Variants in ARHGEF3 observed in about 807,000 individuals in gnomAD.
ARHGEF3 encodes Rho guanine nucleotide exchange factor 3.
In ARHGEF3, 28 loss-of-function variants were observed where a neutral mutation model predicts 63.2. The ratio of observed to expected loss-of-function variants is 0.44; its 90% CI spans 0.33 to 0.61. The LOEUF (loss-of-function observed/expected upper bound fraction) is 0.61. Ranked by LOEUF, ARHGEF3 falls within the 20% of genes least tolerant of loss-of-function variation. The pLI is 0.03. For synonymous variants in ARHGEF3, 266 were observed against 254.2 expected (o/e 1.05, Z -0.44); for missense variants, 533 against 659.3 (o/e 0.81, Z 2.10).
chr3:57,061,762 G>T (rs1705234720), intron 1 of ARHGEF3, among the ~76,000 whole-genome samples: 2 of 152,124 alleles, frequency 1.3e-5, no homozygotes, highest in African/African-American at 4.8e-5. Flanking sequence ...CTCTCATCCT[G>T]TGTTACTCAC....
intron 1 of ARHGEF3, among the ~76,000 whole-genome samples, chr3:57,042,700 A>ATTTTTTTTTTTTTTTT (rs869145503): frequency 2.9e-4 from 19 of 66,098 alleles, no homozygotes; most frequent in Non-Finnish European, 5.2e-4. Context: ...ATATATATAT[A>ATTTTTTTTTTTTTTTT]TTTTTTTTTT....
chr3:57,066,608 C>T (rs563418465), intron 1 of ARHGEF3, among the ~76,000 whole-genome samples: 1 of 152,164 alleles, frequency 6.6e-6, no homozygotes, highest in Non-Finnish European at 1.5e-5. Context: ...CAGTATTTTA[C>T]CCACTGTGAT....
intron 3 of ARHGEF3, among the ~76,000 whole-genome samples, chr3:56,905,385 T>C (rs1380761011): frequency 2.0e-5 from 3 of 152,226 alleles, no homozygotes; most frequent in Non-Finnish European, 4.4e-5. Flanking sequence ...CTTAACACTA[T>C]ATTTGGGAAA....
intron 4 of ARHGEF3, among the ~76,000 whole-genome samples, chr3:56,854,432 C>T (rs1176539749): frequency 1.3e-5 from 2 of 152,110 alleles, no homozygotes; most frequent in East Asian, 1.9e-4. Flanking sequence ...CTGAAGGAAA[C>T]AGGGAGAAGC....
chr3:56,755,076 A>AG lies in ARHGEF3; in HGVS notation c.279dup (p.Ser94LeufsTer8). 1 of 1,613,884 alleles carries AG rather than the reference A, an allele frequency of 6.2e-7. No homozygotes were observed. The highest frequency in any genetic ancestry group is 8.5e-7 in the Non-Finnish European group (1 of 1,179,978). On this transcript the variant is annotated frameshift_variant, in exon 3 of 10. Coordinates refer to ENST00000296315, the MANE Select transcript of ARHGEF3 (RefSeq NM_019555.3). LOFTEE classifies it high-confidence loss of function. ...TTGCTATCTCTCCGTTTCGTGCTCG[A>AG]GGGGGCGGCATTTCTGGACCAGGGT...
chr3:57,048,795 T>G (rs1201403427), intron 1 of ARHGEF3, among the ~76,000 whole-genome samples: 1 of 152,102 alleles, frequency 6.6e-6, no homozygotes, highest in African/African-American at 2.4e-5. Context: ...ACATTTTAAC[T>G]CCTGCTAATT....
At chr3:56,793,726 G>A (rs2037209281) in intron 1 of ARHGEF3, among the ~76,000 whole-genome samples, 1 of 152,030 alleles carries the variant, frequency 6.6e-6, no homozygotes, top group African/African-American at 2.4e-5. Context: ...ACTGTTCCTT[G>A]TGTATGAACT....
chr3:57,006,521 C>G (rs894599138), intron 2 of ARHGEF3, among the ~76,000 whole-genome samples: 1 of 152,210 alleles, frequency 6.6e-6, no homozygotes. Flanking sequence ...AGCCCACATG[C>G]TGACAGGCAG....
intron 2 of ARHGEF3, among the ~76,000 whole-genome samples, chr3:56,970,007 A>G (rs998527841): frequency 6.6e-6 from 1 of 152,178 alleles, no homozygotes; most frequent in East Asian, 1.9e-4. Context: ...ATAGAGTCAG[A>G]AAGTAGATTA....
intron 2 of ARHGEF3, among the ~76,000 whole-genome samples, chr3:57,013,496 T>C (rs1702800397): frequency 6.6e-6 from 1 of 152,182 alleles, no homozygotes; most frequent in Non-Finnish European, 1.5e-5. Context: ...GCTAGAGGAT[T>C]GTAAATGCAC....
At chr3:57,010,264 C>A (rs1180392726) in intron 2 of ARHGEF3, among the ~76,000 whole-genome samples, 6 of 151,914 alleles carry the variant, frequency 3.9e-5, no homozygotes, top group South Asian at 2.1e-4. Flanking sequence ...ACCATCCTGG[C>A]TAACATGGTG....
chr3:57,071,785 A>G (rs78227129), intron 1 of ARHGEF3, among the ~76,000 whole-genome samples: 13,677 of 152,254 alleles, frequency 0.09, 871 homozygotes, highest in East Asian at 0.35. Context: ...AACTTCACCA[A>G]AATTAAAACC....
chr3:56,828,433 C>T (rs1219692824), intron 4 of ARHGEF3, among the ~76,000 whole-genome samples: 1 of 152,144 alleles, frequency 6.6e-6, no homozygotes, highest in Non-Finnish European at 1.5e-5. Context: ...ACTCAGGAGG[C>T]TGAGACAGGT....
intron 1 of ARHGEF3, among the ~76,000 whole-genome samples, chr3:56,788,375 A>G (rs2036926617): frequency 1.3e-5 from 2 of 152,200 alleles, no homozygotes; most frequent in South Asian, 4.1e-4. Flanking sequence ...AAACTGAAGT[A>G]GAAGTTCCTT....
At chr3:56,769,317 C>A (rs942252712) in intron 2 of ARHGEF3, among the ~76,000 whole-genome samples, 1 of 152,206 alleles carries the variant, frequency 6.6e-6, no homozygotes, top group Non-Finnish European at 1.5e-5. Flanking sequence ...ACCAGAGGAG[C>A]GCATGAGGTC....
At position 56,729,625 on chromosome 3, in the gene ARHGEF3, A is replaced by G. The variant is rs1413692593; in HGVS notation, c.1229-3T>C. 6.3e-6 allele frequency: 10 copies of G among 1,590,250 alleles called. No individual in the cohort carries two copies. Among genetic ancestry groups the G allele is most frequent in the Non-Finnish European group, 8.6e-6 (10 of 1,166,678 alleles). On this transcript the variant is annotated splice_region_variant and splice_polypyrimidine_tract_variant and intron_variant, in intron 9 of 9. Transcript: ENST00000296315. ...ACTGACTCTGAAGAAGTTTTTAACT[A>G]GAAAGGAAAAACACATGAAAAACAA...
Position 56,732,244 on chromosome 3 carries a change from CATT to C in ARHGEF3, c.1219_1221del (p.Asn407del), listed in dbSNP as rs1161362884. On this transcript the variant is annotated inframe_deletion, in exon 9 of 10. Transcript: ENST00000296315. ...CCCCGACTGCTATCCATACTTCTCT[CATT>C]GTTGCTGAATGCCCCTCGCAGGGAG... 2.5e-6 allele frequency: 4 copies of C among 1,614,026 alleles called. No homozygotes were observed. The highest frequency in any genetic ancestry group is 2.5e-6 in the Non-Finnish European group (3 of 1,180,036).
chr3:57,052,236 T>C (rs1356126478), intron 1 of ARHGEF3, among the ~76,000 whole-genome samples: 1 of 152,196 alleles, frequency 6.6e-6, no homozygotes, highest in Non-Finnish European at 1.5e-5. Context: ...CATCCTGCGG[T>C]GCCTGTATAT....
chr3:56,950,786 C>T (rs908472517), intron 3 of ARHGEF3, among the ~76,000 whole-genome samples: 5 of 151,930 alleles, frequency 3.3e-5, no homozygotes, highest in Non-Finnish European at 5.9e-5. Flanking sequence ...TGGGTATATA[C>T]CCAAAAGATT....
Sources: allele counts gnomAD v4.1 joint callset (sites outside exome capture counted in the v4.1 genomes callset), GRCh38; gene constraint gnomAD v4.1.1; transcripts MANE v1.5; gene names NCBI Gene and HGNC (gene_info 2026-07-23, HGNC 2026-07-21).